The following CEP162 variants were observed in gnomAD, a reference collection of about 807,000 sequenced individuals.
CEP162 encodes centrosomal protein 162, also known as centrosomal protein of 162 kDa.
A neutral mutation model predicts 169.2 loss-of-function variants in CEP162; 141 were observed. That is an observed-to-expected ratio of 0.83 (90% CI 0.73 to 0.96). The LOEUF (loss-of-function observed/expected upper bound fraction) is 0.96. Among genes scored for constraint, CEP162 ranks in the 40% least tolerant of loss-of-function variants. CEP162 has a pLI of 0.00. For missense variants in CEP162, 1,600 were observed against 1,587.2 expected (o/e 1.01, Z -0.14); for synonymous variants, 540 against 526.4 (o/e 1.03, Z -0.35).
rs200764690 is a variant in CEP162, at chr6:84,168,470, A to T, written c.2385+858T>A. ...AAATTACTATTAAAAAATAACTGGA[A>T]TTTTTCTAATTTACATAATAATTGA... On this transcript the variant is annotated intron_variant, in intron 18 of 26. Coordinates refer to ENST00000403245, the MANE Select transcript of CEP162 (RefSeq NM_014895.4). Among the ~76,000 whole-genome samples the T allele has an allele frequency of 4.5e-4, 69 of 151,974 alleles. 1 individual carries two copies. Among genetic ancestry groups the T allele is most frequent in the Non-Finnish European group, 8.4e-4 (57 of 67,948 alleles).
chr6:84,140,699 A>G (rs2099516212), intron 25 of CEP162, among the ~76,000 whole-genome samples: 1 of 151,690 alleles, frequency 6.6e-6, no homozygotes, highest in Non-Finnish European at 1.5e-5. Flanking sequence ...TAATTTTTGT[A>G]TTTTTTATAG....
At chr6:84,221,457 C>A (rs766521889) in intron 2 of CEP162, among the ~76,000 whole-genome samples, 1 of 151,876 alleles carries the variant, frequency 6.6e-6, no homozygotes, top group East Asian at 1.9e-4. Flanking sequence ...AAAGAAAAAA[C>A]GGGAGGATAC....
intron 11 of CEP162, among the ~76,000 whole-genome samples, chr6:84,189,714 G>A (rs2099538925): frequency 6.6e-6 from 1 of 152,206 alleles, no homozygotes; most frequent in Admixed American, 6.5e-5. Flanking sequence ...CTGCTCCACG[G>A]CGCCCAGTCC....
intron 9 of CEP162, among the ~76,000 whole-genome samples, chr6:84,200,199 A>G (rs2099543914): frequency 6.6e-6 from 1 of 152,190 alleles, no homozygotes; most frequent in Non-Finnish European, 1.5e-5. Flanking sequence ...GCAGTGAGCC[A>G]AGGTAGCGCC....
At chr6:84,172,182 A>T (rs1378786862) in intron 16 of CEP162, among the ~76,000 whole-genome samples, 1 of 152,162 alleles carries the variant, frequency 6.6e-6, no homozygotes, top group East Asian at 1.9e-4. Flanking sequence ...AATCAGATGT[A>T]CCTACGGGTG....
chr6:84,167,891 GA>G (rs1341982561), intron 18 of CEP162, among the ~76,000 whole-genome samples: 1 of 152,080 alleles, frequency 6.6e-6, no homozygotes, highest in Non-Finnish European at 1.5e-5. Flanking sequence ...TGTGGTCTTT[GA>G]AGGGTATCCC....
intron 21 of CEP162, among the ~76,000 whole-genome samples, chr6:84,156,458 A>G (rs2099523202): frequency 6.6e-6 from 1 of 152,168 alleles, no homozygotes; most frequent in Non-Finnish European, 1.5e-5. Flanking sequence ...GCCAAAAAAT[A>G]TGAAAAAATG....
At chr6:84,195,812 C>T (rs1029462929) in intron 9 of CEP162, among the ~76,000 whole-genome samples, 44 of 152,152 alleles carry the variant, frequency 2.9e-4, no homozygotes, top group Non-Finnish European at 6.0e-4. Context: ...AGTTTTTTGG[C>T]CTGGCTAACT....
chr6:84,143,935 A>C (rs758527601), intron 25 of CEP162, among the ~76,000 whole-genome samples: 1 of 152,028 alleles, frequency 6.6e-6, no homozygotes, highest in Non-Finnish European at 1.5e-5. Flanking sequence ...TTACTTAGGA[A>C]AACTGAGTTT....
At position 84,185,389 on chromosome 6, in the gene CEP162, T is replaced by C. The variant is rs770204228; in HGVS notation, c.1461A>G (p.Pro487=). The part of the protein sequence containing the change: ...EEGAVMGKQV[P]YKKARSAPPL... ...GAGGTGCACTTCTGGCCTTCTTGTA[T>C]GGTACCTGTTTACCCATTACAGCCC... Residue 487 remains proline (P), a synonymous_variant, in exon 13 of 27, where the codon CCA becomes CCG. Coordinates refer to ENST00000403245, the MANE Select transcript of CEP162 (RefSeq NM_014895.4). The C allele has an allele frequency of 1.9e-6, 3 of 1,613,472 alleles. No homozygotes were observed. Among genetic ancestry groups the C allele is most frequent in the Non-Finnish European group, 2.5e-6 (3 of 1,179,566 alleles).
intron 13 of CEP162, among the ~76,000 whole-genome samples, chr6:84,179,789 C>T (rs1253607193): frequency 6.6e-6 from 1 of 152,038 alleles, no homozygotes; most frequent in Non-Finnish European, 1.5e-5. Context: ...CAAGACTAAA[C>T]CAGGAAGAAC....
intron 1 of CEP162, among the ~76,000 whole-genome samples, chr6:84,226,935 G>A (rs1184302049): frequency 6.6e-6 from 1 of 152,178 alleles, no homozygotes; most frequent in Non-Finnish European, 1.5e-5. Flanking sequence ...AAAGCAGACT[G>A]TATCCAGATA....
At chr6:84,224,461 AT>A (rs1193892443) in intron 2 of CEP162, among the ~76,000 whole-genome samples, 2 of 152,170 alleles carry the variant, frequency 1.3e-5, no homozygotes, top group Non-Finnish European at 2.9e-5. Flanking sequence ...CCTATAATTG[AT>A]TGTGGTGATG....
intron 25 of CEP162, among the ~76,000 whole-genome samples, chr6:84,134,203 T>A (rs2099512875): frequency 6.6e-6 from 1 of 152,048 alleles, no homozygotes; most frequent in Non-Finnish European, 1.5e-5. Context: ...TGGATGCCAC[T>A]CCCCCCACCA....
At chr6:84,203,245 A>T (rs2099545367) in intron 7 of CEP162, among the ~76,000 whole-genome samples, 1 of 152,188 alleles carries the variant, frequency 6.6e-6, no homozygotes, top group African/African-American at 2.4e-5. Flanking sequence ...GTAGTTCCTT[A>T]TCTTAGCCAA....
chr6:84,142,976 A>T (rs2099517305), intron 25 of CEP162, among the ~76,000 whole-genome samples: 1 of 152,120 alleles, frequency 6.6e-6, no homozygotes, highest in Admixed American at 6.5e-5. Context: ...AATTGTTAAT[A>T]ACAAGTACAT....
chr6:84,154,583 C>G (rs910904017), intron 22 of CEP162, among the ~76,000 whole-genome samples: 1 of 152,112 alleles, frequency 6.6e-6, no homozygotes. Flanking sequence ...CCTAGAACAT[C>G]TCAGCTCCTT....
chr6:84,201,089 T>A (rs1442441004), intron 8 of CEP162, among the ~76,000 whole-genome samples, 184 bp from the exon 9 acceptor site: 2 of 152,130 alleles, frequency 1.3e-5, no homozygotes, highest in Non-Finnish European at 2.9e-5. Flanking sequence ...CCATCCTGGC[T>A]AACACGGTGA....
Position 84,204,049 on chromosome 6 carries a change from T to A in CEP162, c.619A>T (p.Thr207Ser). 9 of 1,610,502 alleles carry A rather than the reference T, an allele frequency of 5.6e-6. No individual in the cohort carries two copies. Among genetic ancestry groups the A allele is most frequent in the Non-Finnish European group, 7.6e-6 (9 of 1,178,456 alleles). The part of the protein sequence containing the change: ...FEDEYVGAPL[T>S]TKDEEMPSKE... ...GAAGGCATCTCTTCATCTTTAGTAG[T>A]CAACGGTGCACCAACATACTCATCT... The change falls in exon 7 of 27, where the codon ACT (threonine) becomes TCT (serine). Residue 207 changes from threonine (T) to serine (S), a missense_variant. By Grantham distance (58) the Thr-to-Ser change is moderately conservative (BLOSUM62 1). Coordinates refer to ENST00000403245, the MANE Select transcript of CEP162 (RefSeq NM_014895.4).
Sources: allele counts gnomAD v4.1 joint callset (sites outside exome capture counted in the v4.1 genomes callset), GRCh38; gene constraint gnomAD v4.1.1; transcripts MANE v1.5; gene names NCBI Gene and HGNC (gene_info 2026-07-23, HGNC 2026-07-21).